The following GRIFIN variants were observed in gnomAD, a reference collection of about 807,000 sequenced individuals.
The protein encoded by GRIFIN is galectin-related inter-fiber protein, also known as putative grifin.
Under a neutral mutation model 18.2 loss-of-function variants are expected in GRIFIN, and 22 were observed. The observed-to-expected ratio is 1.21, with a 90% CI of 0.86 to 1.73. GRIFIN has a LOEUF of 1.73. GRIFIN is among the 40% of genes most tolerant of loss of function. The probability of loss-of-function intolerance (pLI) is 0.00; values close to 1 mark genes in which losing one functional copy is unlikely to be tolerated. For missense variants in GRIFIN, 200 were observed against 190.1 expected (o/e 1.05, Z -0.31); for synonymous variants, 101 against 82.8 (o/e 1.22, Z -1.19).
rs1778926844 is a variant in GRIFIN, at chr7:2,474,822, C to T, written c.*48G>A. ...TGCCCCAGGGTGGGACTCCAGGTAC[C>T]CTGGACATGGGACAAGCCGAGGCTG... is the stretch of plus-strand genomic sequence containing the variant. On this transcript the variant is annotated 3_prime_UTR_variant, in exon 5 of 5. Transcript: ENST00000614228. 4.2e-6 allele frequency: 2 copies of T among 475,662 alleles called. No individual in the cohort carries two copies. The highest frequency in any genetic ancestry group is 7.5e-6 in the Non-Finnish European group (2 of 267,892). 29.5% of individuals were successfully genotyped at this position (475,662 alleles called of 1,614,324 possible).
At chr7:2,475,431 C>A in intron 3 of GRIFIN, 124 bp from the exon 4 acceptor site, 2 of 1,340,592 alleles carry the variant, frequency 1.5e-6, no homozygotes, top group Non-Finnish European at 2.0e-6. Context: ...CCCCGGGGGT[C>A]CCTTGGCTTG....
At chr7:2,475,615 G>A (rs1004953143) in intron 3 of GRIFIN, 54 bp downstream of exon 3, 19 of 1,433,198 alleles carry the variant, frequency 1.3e-5, no homozygotes, top group Non-Finnish European at 1.6e-5. Flanking sequence ...CTGGCCCCCT[G>A]TTCCCCCACG....
At position 2,475,944 on chromosome 7, in the gene GRIFIN, C is replaced by T; in HGVS notation, c.68G>A (p.Gly23Glu). 1 of 1,598,380 alleles carries T rather than the reference C, an allele frequency of 6.3e-7. No individual in the cohort carries two copies. Among genetic ancestry groups the T allele is most frequent in the Non-Finnish European group, 8.5e-7 (1 of 1,179,692 alleles). ...LAPGWKLLVQ[G>E]HADSGEDRFE... ...CCTGTCCTCTCCAGAGTCAGCATGT[C>T]CCTGGACCAGCAGCTTCCAGCCGGG... The change falls in exon 2 of 5, where the codon GGA becomes GAA. Residue 23 changes from glycine (G) to glutamate (E), a missense_variant. Coordinates refer to ENST00000614228, the MANE Select transcript of GRIFIN (RefSeq NM_001394787.1).
intron 1 of GRIFIN, 21 bp from the exon 2 acceptor site, chr7:2,476,020 G>T (rs1369123258): frequency 4.4e-6 from 7 of 1,591,666 alleles, no homozygotes; most frequent in Non-Finnish European, 5.1e-6. Flanking sequence ...GAGACAGGGG[G>T]ACCAGCCTCA....
Position 2,475,813 on chromosome 7 carries a change from G to T in GRIFIN, c.108C>A (p.Phe36Leu). ...AGGCAATGTCCCCCGTCTCCAACAA[G>T]AAGTTAGTCTCGAACCTGGGGCGGA... Reference protein sequence around the residue: ...DSGEDRFETNFLLETGDIAFH... With the variant: ...DSGEDRFETNLLLETGDIAFH... The change falls in exon 3 of 5, where the codon TTC becomes TTA. Residue 36 changes from phenylalanine (F) to leucine (L), a missense_variant. By Grantham distance (22) the Phe-to-Leu change is conservative. Coordinates refer to ENST00000614228, the MANE Select transcript of GRIFIN (RefSeq NM_001394787.1). 6.4e-7 allele frequency: 1 copy of T among 1,573,416 alleles called. No individual in the cohort carries two copies. The highest frequency in any genetic ancestry group is 8.6e-7 in the Non-Finnish European group (1 of 1,161,100).
chr7:2,475,756 A>G lies in GRIFIN; in HGVS notation c.165T>C (p.Thr55=), dbSNP rs887779949. ...CGTACTGGAAGGCATTGCCCACCAC[A>G]GTGGCGCTGGAGAACCGGGGCTTGA... is the stretch of plus-strand genomic sequence containing the variant. ...FHIKPRFSSA[T]VVGNAFQYGR... is the part of the protein sequence containing the mutation. Residue 55 remains threonine (T), a synonymous_variant, in exon 3 of 5, where the codon ACT becomes ACC. Transcript: ENST00000614228. 60 of 1,569,582 alleles carry G rather than the reference A, an allele frequency of 3.8e-5. No homozygotes were observed. The highest frequency in any genetic ancestry group is 4.6e-5 in the Non-Finnish European group (53 of 1,162,222).
intron 1 of GRIFIN, 132 bp from the exon 2 acceptor site, chr7:2,476,131 A>T: frequency 1.2e-6 from 1 of 816,570 alleles, no homozygotes; most frequent in Non-Finnish European, 1.9e-6. Context: ...AGTGCCAGAC[A>T]TAGGCTAAGG....
intron 1 of GRIFIN, 70 bp downstream of exon 1, chr7:2,476,302 G>T: frequency 3.3e-6 from 5 of 1,505,910 alleles, no homozygotes; most frequent in South Asian, 1.2e-5. Context: ...TGTGCAGAGA[G>T]AGCACGGGTG....
At chr7:2,475,014 G>A (rs1778930036) in intron 4 of GRIFIN, 127 bp downstream of exon 4, 15 of 1,138,236 alleles carry the variant, frequency 1.3e-5, no homozygotes, top group Non-Finnish European at 1.8e-5. Flanking sequence ...AGGGTGGGAC[G>A]CCAGGCAGAC....
chr7:2,475,202 G>A lies in GRIFIN; in HGVS notation c.358C>T (p.Arg120Cys), dbSNP rs766790997. 1.4e-5 allele frequency: 22 copies of A among 1,594,878 alleles called. No individual in the cohort carries two copies. Among genetic ancestry groups the A allele is most frequent in the East Asian group, 2.2e-5 (1 of 44,698 alleles). Reference sequence around the variant, plus strand: ...GCCAGGCAGTGGTCACTCAGCACGCGCACCCTGGTGGTGGCGCCCAGCGGC... The same window carrying A: ...GCCAGGCAGTGGTCACTCAGCACGCACACCCTGGTGGTGGCGCCCAGCGGC... ...QRPLGATTRV[R>C]VLSDHCLAQV... Residue 120 changes from arginine (R) to cysteine (C), a missense_variant, in exon 4 of 5, where the codon CGC becomes TGC. Transcript: ENST00000614228.
Position 2,475,292 on chromosome 7 carries a change from C to T in GRIFIN, c.268G>A (p.Asp90Asn). ...GCGTAGACGTGGAAGTGCTCCGCGT[C>T]CCAGCTGACCTCTATCTGGGCAGGC... The part of the protein sequence containing the change: ...GEPFEIEVSW[D>N]AEHFHVYAPE... Residue 90 changes from aspartate to asparagine, a missense_variant, in exon 4 of 5, where the codon GAC (aspartate) becomes AAC (asparagine). By Grantham distance (23) the Asp-to-Asn change is conservative. Coordinates refer to ENST00000614228, the MANE Select transcript of GRIFIN (RefSeq NM_001394787.1). 2.5e-6 allele frequency: 4 copies of T among 1,594,154 alleles called. No homozygotes were observed. The highest frequency in any genetic ancestry group is 3.4e-6 in the Non-Finnish European group (4 of 1,177,886).
At chr7:2,476,280 A>G in intron 1 of GRIFIN, 92 bp downstream of exon 1, 3 of 1,416,506 alleles carry the variant, frequency 2.1e-6, no homozygotes, top group East Asian at 2.5e-5. Context: ...GCCAGAGCCC[A>G]TACCCCATCT....
At chr7:2,476,240 C>A in intron 1 of GRIFIN, 132 bp downstream of exon 1, 1 of 1,169,066 alleles carries the variant, frequency 8.6e-7, no homozygotes. Context: ...TTCACCCTGA[C>A]GCCCTCTCAG....
rs1243036444 is a variant in GRIFIN, at chr7:2,475,910, T to C, written c.92+10A>G. The stretch of plus-strand genomic sequence containing the variant: ...CCAAGGCCCAGCGAGGGGAGGGCGG[T>C]GCCGCTGACCTGTCCTCTCCAGAGT... On this transcript the variant is annotated intron_variant, in intron 2 of 4. Transcript: ENST00000614228. 7 of 1,597,242 alleles carry C rather than the reference T, an allele frequency of 4.4e-6. No individual in the cohort carries two copies. The highest frequency in any genetic ancestry group is 5.9e-6 in the Non-Finnish European group (7 of 1,179,072).
rs1310631987 is a variant in GRIFIN, at chr7:2,475,973, C to A, written c.39G>T (p.Leu13=). The A allele has an allele frequency of 5.6e-6, 9 of 1,598,144 alleles. 1 individual carries two copies. The South Asian group carries it at 9.9e-5, about 18-fold the overall frequency. Residue 13 remains leucine (L), a synonymous_variant, in exon 2 of 5, where the codon CTG becomes CTT. Transcript: ENST00000614228. ...GGACCAGCAGCTTCCAGCCGGGGGC[C>A]AGGCCGCCCGCACAGAAGGCTTTAG... ...VQSKAFCAGG[L]APGWKLLVQG... is the part of the protein sequence containing the mutation.
In GRIFIN at chr7:2,476,363, C is replaced by G. The variant is rs1385860952; in HGVS notation, c.12+9G>C. 1 of 1,576,402 alleles carries G rather than the reference C, an allele frequency of 6.3e-7. No homozygotes were observed. The highest frequency in any genetic ancestry group is 8.5e-7 in the Non-Finnish European group (1 of 1,170,204). ...CGTTCTCCTTCTCCAGGTCCAGGGT[C>G]TCACCCACCTGCACTGCCATCTGCT... On this transcript the variant is annotated intron_variant, in intron 1 of 4. Coordinates refer to ENST00000614228, the MANE Select transcript of GRIFIN (RefSeq NM_001394787.1).
At position 2,475,772 on chromosome 7, in the gene GRIFIN, C is replaced by T. The variant is rs370319215; in HGVS notation, c.149G>A (p.Arg50Gln). ...GCCCACCACAGTGGCGCTGGAGAACCGGGGCTTGATGTGGAAGGCAATGTC... is the reference window on the plus strand; with the variant it reads ...GCCCACCACAGTGGCGCTGGAGAACTGGGGCTTGATGTGGAAGGCAATGTC... The part of the protein sequence containing the change: ...TGDIAFHIKP[R>Q]FSSATVVGNA... Residue 50 changes from arginine to glutamine, a missense_variant, in exon 3 of 5, where the codon CGG (arginine) becomes CAG (glutamine). By Grantham distance (43) the Arg-to-Gln change is conservative. Coordinates refer to ENST00000614228, the MANE Select transcript of GRIFIN (RefSeq NM_001394787.1). The T allele has an allele frequency of 6.0e-4, 949 of 1,572,038 alleles. 1 individual carries two copies. Among genetic ancestry groups the T allele is most frequent in the Admixed American group, 9.7e-4 (56 of 57,760 alleles).
At position 2,476,110 on chromosome 7, in the gene GRIFIN, G is replaced by GC. The variant is rs1303087339; in HGVS notation, c.13-112dup. 3.2e-6 allele frequency: 3 copies of GC among 926,506 alleles called. No homozygotes were observed. In the Admixed American group the frequency reaches 7.5e-5, roughly 23 times the overall value. The allele number at this position is 926,506 out of a possible 1,614,324, so 57.4% of individuals were successfully genotyped here. ...AGGAAGGTCCCTGCCCACCCAGCCT[G>GC]CCCCCAACCCAGTGCCAGACATAGG... On this transcript the variant is annotated intron_variant, in intron 1 of 4. Coordinates refer to ENST00000614228, the MANE Select transcript of GRIFIN (RefSeq NM_001394787.1).
In GRIFIN at chr7:2,475,150, A is replaced by G. The variant is rs558825631; in HGVS notation, c.410T>C (p.Leu137Pro). 1 of 1,583,768 alleles carries G rather than the reference A, an allele frequency of 6.3e-7. No homozygotes were observed. The highest frequency in any genetic ancestry group is 1.1e-5 in the South Asian group (1 of 88,770). The change falls in exon 4 of 5, where the codon CTG (leucine) becomes CCG (proline). Residue 137 changes from leucine to proline, a missense_variant. By Grantham distance (98) the Leu-to-Pro change is moderately conservative (BLOSUM62 -3). Coordinates refer to ENST00000614228, the MANE Select transcript of GRIFIN (RefSeq NM_001394787.1). ...LAQVELAKRG[L>P]SWGDRGY ...GAGGCAGGGACTTTACCCCCAGCTC[A>G]GGCCCCTCTTGGCCAGCTCCACCTG... is the stretch of plus-strand genomic sequence containing the variant.
Sources: gnomAD v4.1 joint callset for allele counts on GRCh38, gnomAD v4.1.1 for gene constraint, MANE v1.5 for transcripts, NCBI Gene and HGNC (gene_info 2026-07-23, HGNC 2026-07-21) for gene names.